The following KLHL20 variants were observed in gnomAD, a reference collection of about 807,000 sequenced individuals.
KLHL20 encodes kelch-like protein 20.
In KLHL20, 29 loss-of-function variants were observed where a neutral mutation model predicts 69.5. The observed-to-expected ratio is 0.42, with a 90% CI of 0.31 to 0.57. The LOEUF (loss-of-function observed/expected upper bound fraction) is 0.57. Among genes scored for constraint, KLHL20 ranks in the 20% least tolerant of loss-of-function variants. The pLI is 0.18. For missense variants in KLHL20, 419 were observed against 776.0 expected (o/e 0.54, Z 5.47); for synonymous variants, 253 against 265.2 (o/e 0.95, Z 0.45).
chr1:173,746,695 T>G (rs2102491618), intron 3 of KLHL20, among the ~76,000 whole-genome samples: 1 of 152,196 alleles, frequency 6.6e-6, no homozygotes, highest in East Asian at 1.9e-4. Context: ...AAAGAGGATT[T>G]TTTACTTATT....
intron 2 of KLHL20, among the ~76,000 whole-genome samples, chr1:173,728,869 A>G (rs1477390135): frequency 6.6e-6 from 1 of 152,240 alleles, no homozygotes; most frequent in Non-Finnish European, 1.5e-5. Context: ...GCAAGAAATA[A>G]CTAAGATCAG....
At chr1:173,772,267 A>G (rs1363387609) in intron 8 of KLHL20, among the ~76,000 whole-genome samples, 1 of 152,220 alleles carries the variant, frequency 6.6e-6, no homozygotes, top group Non-Finnish European at 1.5e-5. Context: ...CCCTTTTGTC[A>G]TACCAAATAG....
At chr1:173,728,453 C>T (rs1349375350) in intron 2 of KLHL20, among the ~76,000 whole-genome samples, 3 of 152,172 alleles carry the variant, frequency 2.0e-5, no homozygotes, top group African/African-American at 7.2e-5. Context: ...CTTTTCAGCA[C>T]CACACCACAC....
intron 2 of KLHL20, among the ~76,000 whole-genome samples, chr1:173,727,342 G>A (rs955290236): frequency 2.0e-5 from 3 of 152,164 alleles, no homozygotes; most frequent in African/African-American, 7.2e-5. Context: ...TATTATCCAC[G>A]AGAACTTCCC....
intron 2 of KLHL20, among the ~76,000 whole-genome samples, chr1:173,716,987 A>T (rs1671495098): frequency 6.6e-6 from 1 of 152,234 alleles, no homozygotes; most frequent in Admixed American, 6.5e-5. Flanking sequence ...GGGATTAATG[A>T]ACATTTGCAA....
chr1:173,766,532 C>T (rs529112429), intron 8 of KLHL20, among the ~76,000 whole-genome samples: 1 of 149,316 alleles, frequency 6.7e-6, no homozygotes, highest in Non-Finnish European at 1.5e-5. Context: ...GTTCCAGCTA[C>T]TTGTGGGGCT....
chr1:173,731,566 A>G (rs1330865588), intron 2 of KLHL20, among the ~76,000 whole-genome samples: 2 of 152,208 alleles, frequency 1.3e-5, no homozygotes, highest in African/African-American at 2.4e-5. Flanking sequence ...TGTCCTTTGT[A>G]TGGACATGGA....
At chr1:173,734,343 C>A (rs370041458) in intron 3 of KLHL20, 57 bp downstream of exon 3, 1 of 1,406,544 alleles carries the variant, frequency 7.1e-7, no homozygotes, top group South Asian at 1.2e-5. Context: ...TATGGGTTCA[C>A]ATTCTGCTAA....
intron 3 of KLHL20, among the ~76,000 whole-genome samples, chr1:173,745,170 C>CTTTTTTTTTTTTTTT (rs796578983): frequency 3.5e-5 from 4 of 115,534 alleles, no homozygotes; most frequent in Admixed American, 1.0e-4. Context: ...TTTCTTTTTT[C>CTTTTTTTTTTTTTTT]TTTTTTTTTT....
intron 2 of KLHL20, among the ~76,000 whole-genome samples, chr1:173,727,684 A>C (rs527893891): frequency 2.8e-4 from 43 of 152,314 alleles, no homozygotes; most frequent in African/African-American, 1.0e-3. Flanking sequence ...AAGATCCTTT[A>C]CAGACAAGCA....
intron 2 of KLHL20, among the ~76,000 whole-genome samples, chr1:173,722,399 A>C (rs1671752057): frequency 6.6e-6 from 1 of 151,964 alleles, no homozygotes; most frequent in African/African-American, 2.4e-5. Flanking sequence ...AGGCAGGAGG[A>C]TCACTTGAGG....
rs757998054 is a variant in KLHL20, at chr1:173,766,293, A to AT, written c.1295+5dup. ...CTTGCCTCAACATTGTTGAGAGGTG[A>AT]TCTTTTTTTTAAGTCATTTTCCGTA... On this transcript the variant is annotated splice_donor_region_variant and intron_variant, in intron 8 of 11. Coordinates refer to ENST00000209884, the MANE Select transcript of KLHL20 (RefSeq NM_014458.4). The AT allele has an allele frequency of 5.3e-5, 84 of 1,571,620 alleles. No homozygotes were observed. In the African/African-American group the frequency reaches 6.5e-4, roughly 12 times the overall value.
rs1647245045 is a variant in KLHL20, at chr1:173,760,868, AGTAAAGTAACG to A, written c.1151+3713_1151+3723del. On this transcript the variant is annotated intron_variant, in intron 7 of 11. Coordinates refer to ENST00000209884, the MANE Select transcript of KLHL20 (RefSeq NM_014458.4). The stretch of plus-strand genomic sequence containing the variant: ...CATAGGCAAGAAAGAGCACTACGAA[AGTAAAGTAACG>A]GTACCTCACATTTCAATACTAACAT... Among the ~76,000 whole-genome samples, 3 of 152,292 alleles carry A rather than the reference AGTAAAGTAACG, an allele frequency of 2.0e-5. No individual in the cohort carries two copies. The South Asian group carries it at 6.2e-4, about 32-fold the overall frequency.
chr1:173,781,541 C>T (rs1648877502), intron 10 of KLHL20, among the ~76,000 whole-genome samples: 1 of 152,118 alleles, frequency 6.6e-6, no homozygotes, highest in African/African-American at 2.4e-5. Context: ...GTCTCGAACT[C>T]CTGGGCTCAA....
intron 2 of KLHL20, among the ~76,000 whole-genome samples, chr1:173,730,117 C>T (rs969602609): frequency 6.6e-6 from 1 of 152,142 alleles, no homozygotes; most frequent in African/African-American, 2.4e-5. Context: ...CTCCCATTCA[C>T]AATTGCTACA....
intron 2 of KLHL20, among the ~76,000 whole-genome samples, chr1:173,720,335 A>G (rs1290792218): frequency 6.6e-6 from 1 of 152,152 alleles, no homozygotes; most frequent in African/African-American, 2.4e-5. Flanking sequence ...TGTGCAAAAA[A>G]AAAAAAGATA....
intron 9 of KLHL20, among the ~76,000 whole-genome samples, 185 bp from the exon 10 acceptor site, chr1:173,775,449 A>G (rs950576580): frequency 6.6e-6 from 1 of 152,222 alleles, no homozygotes; most frequent in Non-Finnish European, 1.5e-5. Flanking sequence ...CATACCTAGA[A>G]GAAACCAGTC....
intron 2 of KLHL20, among the ~76,000 whole-genome samples, chr1:173,728,642 C>A (rs920360697): frequency 1.3e-5 from 2 of 152,204 alleles, no homozygotes; most frequent in African/African-American, 4.8e-5. Flanking sequence ...TCCTGAATGA[C>A]TACTGAGCAT....
intron 2 of KLHL20, among the ~76,000 whole-genome samples, chr1:173,721,805 T>C (rs1671729461): frequency 6.6e-6 from 1 of 152,196 alleles, no homozygotes; most frequent in Admixed American, 6.5e-5. Context: ...CACTTTGAGA[T>C]GTTATTTCTG....
Sources: gnomAD v4.1 joint callset for allele counts (sites outside exome capture counted in the v4.1 genomes callset) on GRCh38, gnomAD v4.1.1 for gene constraint, MANE v1.5 for transcripts, NCBI Gene and HGNC (gene_info 2026-07-23, HGNC 2026-07-21) for gene names.